Variants in JAK1 observed in about 807,000 individuals in gnomAD.
The protein encoded by JAK1 is Janus kinase 1, also known as tyrosine-protein kinase JAK1.
In JAK1, 16 loss-of-function variants were observed where a neutral mutation model predicts 136.6. The observed-to-expected ratio is 0.12, with a 90% CI of 0.08 to 0.18. The LOEUF (loss-of-function observed/expected upper bound fraction) is 0.18. Among genes scored for constraint, JAK1 ranks in the 10% least tolerant of loss-of-function variants. The pLI is 1.00. For synonymous variants in JAK1, 492 were observed against 519.5 expected (o/e 0.95, Z 0.72); for missense variants, 859 against 1,450.1 (o/e 0.59, Z 6.62).
intron 1 of JAK1, among the ~76,000 whole-genome samples, chr1:64,935,810 G>C (rs1569612808): frequency 1.3e-5 from 2 of 152,212 alleles, no homozygotes; most frequent in African/African-American, 4.8e-5. Flanking sequence ...TCCCTGGAGA[G>C]CCACCATATT....
chr1:64,838,677 C>G, intron 20 of JAK1, 88 bp from the exon 21 acceptor site: 1 of 1,389,642 alleles, frequency 7.2e-7, no homozygotes, highest in Non-Finnish European at 9.9e-7. Context: ...GACAGAGGCC[C>G]TGAGGTGACG....
chr1:64,922,146 TG>T (rs1645504708), intron 1 of JAK1, among the ~76,000 whole-genome samples: 1 of 135,134 alleles, frequency 7.4e-6, no homozygotes, highest in Non-Finnish European at 1.5e-5. Context: ...ATTGTTCTTA[TG>T]GAAAAAAAAA....
intron 1 of JAK1, among the ~76,000 whole-genome samples, chr1:64,923,858 A>G (rs1398578093): frequency 6.6e-6 from 1 of 152,188 alleles, no homozygotes; most frequent in Non-Finnish European, 1.5e-5. Flanking sequence ...TTTTTAAAAC[A>G]TTTATGTCAT....
intron 24 of JAK1, 137 bp downstream of exon 24, chr1:64,835,259 T>A: frequency 5.7e-6 from 3 of 523,082 alleles, no homozygotes; most frequent in Non-Finnish European, 1.0e-5. Flanking sequence ...TATGTGAAAT[T>A]CAGCTTCAGA....
chr1:64,958,884 A>C (rs1034945879), intron 1 of JAK1, among the ~76,000 whole-genome samples: 4 of 152,256 alleles, frequency 2.6e-5, no homozygotes, highest in Non-Finnish European at 5.9e-5. Context: ...AGTTGCATTC[A>C]TTACAAATGG....
intron 3 of JAK1, among the ~76,000 whole-genome samples, chr1:64,879,435 G>A (rs996668080): frequency 3.3e-5 from 5 of 152,026 alleles, no homozygotes; most frequent in African/African-American, 1.2e-4. Flanking sequence ...ACAGGTATCC[G>A]TCACAGAGCC....
intron 11 of JAK1, among the ~76,000 whole-genome samples, chr1:64,852,050 C>A (rs951006346): frequency 1.3e-5 from 2 of 152,234 alleles, no homozygotes; most frequent in East Asian, 3.8e-4. Flanking sequence ...CTGCACAGGG[C>A]CACGTCTCTA....
chr1:65,020,400 G>T (rs567589592), intron 2 of JAK1, among the ~76,000 whole-genome samples: 4 of 152,116 alleles, frequency 2.6e-5, no homozygotes, highest in Non-Finnish European at 5.9e-5. Flanking sequence ...AGAAACTCTT[G>T]CAATGTGTAC....
At chr1:64,900,945 G>C (rs1238282382) in intron 1 of JAK1, among the ~76,000 whole-genome samples, 1 of 152,102 alleles carries the variant, frequency 6.6e-6, no homozygotes, top group East Asian at 1.9e-4. Flanking sequence ...CCTAGCTCAG[G>C]AATCATCTCC....
intron 1 of JAK1, among the ~76,000 whole-genome samples, chr1:64,925,252 CA>C (rs1276671597): frequency 6.8e-6 from 1 of 145,996 alleles, no homozygotes; most frequent in African/African-American, 2.5e-5. Context: ...AAAAAAAATA[CA>C]AAAAGTTAGC....
At chr1:65,052,315 T>A (rs1041458585) in intron 1 of JAK1, among the ~76,000 whole-genome samples, 5 of 151,926 alleles carry the variant, frequency 3.3e-5, no homozygotes, top group African/African-American at 1.2e-4. Flanking sequence ...GAAAGAAAAA[T>A]ACAAAATGGA....
chr1:64,849,669 G>A (rs915346341), intron 12 of JAK1, among the ~76,000 whole-genome samples: 2 of 152,260 alleles, frequency 1.3e-5, no homozygotes, highest in East Asian at 1.9e-4. Flanking sequence ...ATCGTGCCTC[G>A]CACGTGTAAT....
intron 20 of JAK1, among the ~76,000 whole-genome samples, chr1:64,839,138 T>C (rs1229579807): frequency 2.2e-5 from 2 of 92,488 alleles, no homozygotes; most frequent in Non-Finnish European, 3.7e-5. Flanking sequence ...AGAGCGAGAC[T>C]CCGTCTCAAA....
intron 1 of JAK1, among the ~76,000 whole-genome samples, chr1:64,888,107 AC>A (rs1230137598): frequency 2.6e-5 from 4 of 152,216 alleles, no homozygotes; most frequent in African/African-American, 4.8e-5. Flanking sequence ...TGTAAGTTCC[AC>A]CAGGCCCAGG....
At chr1:65,022,434 G>A (rs922105182) in intron 2 of JAK1, among the ~76,000 whole-genome samples, 2 of 152,118 alleles carry the variant, frequency 1.3e-5, no homozygotes, top group African/African-American at 4.8e-5. Flanking sequence ...GGGCTCATGT[G>A]AGGGAAGTTT....
At chr1:65,035,839 C>T (rs182898343) in intron 2 of JAK1, among the ~76,000 whole-genome samples, 3 of 152,004 alleles carry the variant, frequency 2.0e-5, no homozygotes, top group African/African-American at 4.8e-5. Context: ...GAGGCCGAGG[C>T]GGGCGGATCA....
At chr1:64,842,048 TAGTC>T (rs1249915378) in intron 17 of JAK1, among the ~76,000 whole-genome samples, 1 of 152,200 alleles carries the variant, frequency 6.6e-6, no homozygotes, top group African/African-American at 2.4e-5. Flanking sequence ...AATATAAAAT[TAGTC>T]AAGTAAATTA....
chr1:64,853,711 G>C (rs1655743224), intron 11 of JAK1, among the ~76,000 whole-genome samples: 1 of 151,786 alleles, frequency 6.6e-6, no homozygotes, highest in East Asian at 1.9e-4. Flanking sequence ...AAATAAATGA[G>C]GTAGGTACAT....
chr1:65,019,805 A>G lies in JAK1; in HGVS notation c.-78+24675T>C, dbSNP rs1224232294. Among the ~76,000 whole-genome samples the G allele has an allele frequency of 5.3e-5, 8 of 152,204 alleles. No homozygotes were observed. The South Asian group carries it at 8.3e-4, about 16-fold the overall frequency. ...GTGGCAGGCACCTGTAATCCCATCTACTTGAGAGGCTAAAGCAGGAGAATT... is the reference window on the plus strand; with the variant it reads ...GTGGCAGGCACCTGTAATCCCATCTGCTTGAGAGGCTAAAGCAGGAGAATT... On this transcript the variant is annotated intron_variant, in intron 2 of 25. Coordinates refer to the JAK1 transcript ENST00000671954.
Sources: allele counts gnomAD v4.1 joint callset (sites outside exome capture counted in the v4.1 genomes callset), GRCh38; gene constraint gnomAD v4.1.1; transcripts MANE v1.5; gene names NCBI Gene and HGNC (gene_info 2026-07-23, HGNC 2026-07-21).